Variants in MUC6 observed in about 807,000 individuals in gnomAD.
MUC6 encodes mucin-6.
A neutral mutation model predicts 201.5 loss-of-function variants in MUC6; 188 were observed. The observed-to-expected ratio is 0.93, with a 90% CI of 0.83 to 1.05. MUC6 has a LOEUF of 1.05. Ranked by LOEUF, MUC6 falls within the 50% of genes least tolerant of loss-of-function variation. The probability of loss-of-function intolerance (pLI) is 0.00; values close to 1 mark genes in which losing one functional copy is unlikely to be tolerated. For missense variants in MUC6, 2,706 were observed against 3,256.9 expected (o/e 0.83, Z 4.12); for synonymous variants, 1,228 against 1,389.4 (o/e 0.88, Z 2.58).
In MUC6 at chr11:1,020,277, A is replaced by G. The variant is rs746160174; in HGVS notation, c.3641-20T>C. ...GTGAGCCTGGGTGGGCGGACATGCC[A>G]TCAGGGCTGCAGGGTACCGGCATAT... On this transcript the variant is annotated intron_variant, in intron 28 of 32. Coordinates refer to ENST00000421673, the MANE Select transcript of MUC6 (RefSeq NM_005961.3). 2 of 1,593,094 alleles carry G rather than the reference A, an allele frequency of 1.3e-6. No homozygotes were observed. Among genetic ancestry groups the G allele is most frequent in the South Asian group, 2.2e-5 (2 of 89,150 alleles).
Position 1,018,683 on chromosome 11 carries a change from G to A in MUC6, c.4118C>T (p.Thr1373Ile). The stretch of plus-strand genomic sequence containing the variant: ...CGTGGGTTGTCCTGGCTGTGGGGTG[G>A]TTGGGCCTGTGGTGCTTGCTGGGGT... ...RPTPASTTGPTTPQPGQPTRP... is the reference protein window; with the variant it reads ...RPTPASTTGPITPQPGQPTRP... The change falls in exon 31 of 33, where the codon ACC (threonine) becomes ATC (isoleucine). Residue 1373 changes from threonine (T) to isoleucine (I), a missense_variant. Thr to Ile is a moderately conservative substitution (Grantham distance 89). Transcript: ENST00000421673. 1 of 1,612,932 alleles carries A rather than the reference G, an allele frequency of 6.2e-7. No homozygotes were observed.
intron 26 of MUC6, among the ~76,000 whole-genome samples, chr11:1,022,839 G>C (rs112599085): frequency 7.4e-4 from 112 of 152,348 alleles, no homozygotes; most frequent in Non-Finnish European, 1.2e-3. Context: ...AAACATGAAT[G>C]AATGAATGAA....
At chr11:1,014,099 G>A (rs1244321261) in intron 31 of MUC6, 98 bp from the exon 32 acceptor site, 5 of 999,308 alleles carry the variant, frequency 5.0e-6, no homozygotes, top group Non-Finnish European at 7.4e-6. Flanking sequence ...CCTGTCTCTG[G>A]ACTCTCCTGC....
rs759544918 is a variant in MUC6 at position 1,028,873 on chromosome 11, C to T, written c.1453+16G>A. 2.5e-6 allele frequency: 4 copies of T among 1,611,592 alleles called. No individual in the cohort carries two copies. The highest frequency in any genetic ancestry group is 3.4e-6 in the Non-Finnish European group (4 of 1,179,864). The stretch of plus-strand genomic sequence containing the variant: ...AGGCACAACTCTGGGGGGCCACAGA[C>T]TGGGCCAGGACGTACGAGTCTTGTA... On this transcript the variant is annotated intron_variant, in intron 12 of 32. Transcript: ENST00000421673.
At chr11:1,021,111 C>T in intron 27 of MUC6, 104 bp downstream of exon 27, 3 of 1,165,490 alleles carry the variant, frequency 2.6e-6, no homozygotes, top group Non-Finnish European at 3.5e-6. Context: ...CACGTAAGGG[C>T]TCACAGCCCC....
intron 8 of MUC6, 67 bp from the exon 9 acceptor site, chr11:1,029,682 C>A: frequency 6.7e-7 from 1 of 1,496,782 alleles, no homozygotes; most frequent in Non-Finnish European, 8.9e-7. Flanking sequence ...CTCCCTGGCT[C>A]CAGGGAGACG....
chr11:1,028,187 TG>T (rs747221064), intron 14 of MUC6, 38 bp downstream of exon 14: 12 of 1,543,202 alleles, frequency 7.8e-6, no homozygotes, highest in African/African-American at 2.7e-5. Flanking sequence ...CTGTGGGCGC[TG>T]GGGGGGCAGC....
rs748267272 is a variant in MUC6, at chr11:1,016,020, C to T, written c.6781G>A (p.Ala2261Thr). The T allele has an allele frequency of 6.8e-6, 11 of 1,606,840 alleles. No homozygotes were observed. Among genetic ancestry groups the T allele is most frequent in the Admixed American group, 1.7e-5 (1 of 59,710 alleles). ...GTGGACTGAGAGGAGAAGGCAGGGG[C>T]GGTGTGGGTGCTGGCCGTGGTCCTG... ...TPRTTASTHT[A>T]PAFSSQSTTS... The change falls in exon 31 of 33, where the codon GCC (alanine) becomes ACC (threonine). Residue 2261 changes from alanine (A) to threonine (T), a missense_variant. By Grantham distance (58) the Ala-to-Thr change is moderately conservative. Transcript: ENST00000421673.
rs536454158 is a variant in MUC6, at chr11:1,025,029, C to T, written c.3040G>A (p.Glu1014Lys). 2.8e-5 allele frequency: 45 copies of T among 1,612,986 alleles called. No individual in the cohort carries two copies. The highest frequency in any genetic ancestry group is 1.2e-4 in the South Asian group (11 of 91,070). Residue 1014 changes from glutamate (E) to lysine (K), a missense_variant, in exon 24 of 33, where the codon GAG (glutamate) becomes AAG (lysine). By Grantham distance (56) the Glu-to-Lys change is moderately conservative (BLOSUM62 1). Around this residue, in one of 10 missense-constraint regions of MUC6, gnomAD observed 1,850 missense variants for 1,958.3 expected, o/e 0.94. Coordinates refer to ENST00000421673, the MANE Select transcript of MUC6 (RefSeq NM_005961.3). ...GATGCCACGTACCTGCTGCGCGTCTCGAAGTCGTCCTTCATGTTCCCGTTG... is the reference window on the plus strand; with the variant it reads ...GATGCCACGTACCTGCTGCGCGTCTTGAAGTCGTCCTTCATGTTCCCGTTG... ...NFNGNMKDDF[E>K]TRSRYVASSE...
chr11:1,013,992 C>T lies in MUC6; in HGVS notation c.7049G>A (p.Ser2350Asn), dbSNP rs148815783. Residue 2350 changes from serine (S) to asparagine (N), a missense_variant, in exon 32 of 33, where the codon AGT becomes AAT. Transcript: ENST00000421673. ...TPTPTSPGVC[S>N]VREQQEEITF... ...GATCTCCTCCTGCTGCTCCCGCACACTGCAGACCCCTGGTAGCCGAGTGGA... is the reference window on the plus strand; with the variant it reads ...GATCTCCTCCTGCTGCTCCCGCACATTGCAGACCCCTGGTAGCCGAGTGGA... 6.1e-3 allele frequency: 9,732 copies of T among 1,607,144 alleles called. 37 individuals carry two copies. The highest frequency in any genetic ancestry group is 6.9e-3 in the Non-Finnish European group (8,172 of 1,177,398).
rs752799374 is a variant in MUC6, at chr11:1,030,619, G to A, written c.846C>T (p.Ser282=). The A allele has an allele frequency of 1.6e-5, 25 of 1,540,914 alleles. No individual in the cohort carries two copies. In the African/African-American group the frequency reaches 3.0e-4, roughly 19 times the overall value. ...AGCGGCGGACCGGCTGGCCCACCATGCTGCACTGGCGGGAGTACTCCGACA... is the reference window on the plus strand; with the variant it reads ...AGCGGCGGACCGGCTGGCCCACCATACTGCACTGGCGGGAGTACTCCGACA... ...ATLSEYSRQC[S]MVGQPVRRWR... is the part of the protein sequence containing the mutation. Residue 282 remains serine (S), a synonymous_variant, in exon 7 of 33, where the codon AGC becomes AGT. Transcript: ENST00000421673.
Position 1,028,870 on chromosome 11 carries a change from A to G in MUC6, c.1453+19T>C, listed in dbSNP as rs1223129377. 2.5e-6 allele frequency: 4 copies of G among 1,611,210 alleles called. No homozygotes were observed. The highest frequency in any genetic ancestry group is 1.7e-6 in the Non-Finnish European group (2 of 1,179,850). On this transcript the variant is annotated intron_variant, in intron 12 of 32. Coordinates refer to ENST00000421673, the MANE Select transcript of MUC6 (RefSeq NM_005961.3). ...CGAAGGCACAACTCTGGGGGGCCAC[A>G]GACTGGGCCAGGACGTACGAGTCTT...
Position 1,028,772 on chromosome 11 carries a change from C to T in MUC6, c.1465G>A (p.Val489Ile). Reference sequence around the variant, plus strand: ...AGGTGGGTGGACGTCTGCCTGAAGACCGTGATGTTGCCTGCAGGACGCAGT... The same window carrying T: ...AGGTGGGTGGACGTCTGCCTGAAGATCGTGATGTTGCCTGCAGGACGCAGT... ...WLPYKTRNIT[V>I]FRQTSTHLQM... Residue 489 changes from valine to isoleucine, a missense_variant, in exon 13 of 33, where the codon GTC becomes ATC. By Grantham distance (29) the Val-to-Ile change is conservative. Around this residue, in one of 10 missense-constraint regions of MUC6, gnomAD observed 1,850 missense variants for 1,958.3 expected, o/e 0.94. Coordinates refer to ENST00000421673, the MANE Select transcript of MUC6 (RefSeq NM_005961.3). 6.2e-7 allele frequency: 1 copy of T among 1,611,184 alleles called. No homozygotes were observed. Among genetic ancestry groups the T allele is most frequent in the South Asian group, 1.1e-5 (1 of 91,058 alleles).
In MUC6 at chr11:1,016,092, G is replaced by GGGT; in HGVS notation, c.6706_6708dup (p.Thr2236dup). 1 of 1,613,120 alleles carries GGGT rather than the reference G, an allele frequency of 6.2e-7. No individual in the cohort carries two copies. Among genetic ancestry groups the GGGT allele is most frequent in the Non-Finnish European group, 8.5e-7 (1 of 1,179,354 alleles). ...GTGCTGGAGGCTAGGTGGCTGGATG[G>GGGT]GGTGGGAGACACGGTAACAGTGGAT... On this transcript the variant is annotated inframe_insertion, in exon 31 of 33. Coordinates refer to ENST00000421673, the MANE Select transcript of MUC6 (RefSeq NM_005961.3).
chr11:1,022,080 GCGCCTCT>G (rs1564838258), intron 26 of MUC6, among the ~76,000 whole-genome samples: 74 of 111,050 alleles, frequency 6.7e-4, no homozygotes, highest in East Asian at 2.8e-3. Context: ...CTGCAGCCCC[GCGCCTCT>G]CACTCGCTCC....
At chr11:1,030,079 AG>A (rs1857064520) in intron 8 of MUC6, 133 bp downstream of exon 8, 15 of 1,137,450 alleles carry the variant, frequency 1.3e-5, no homozygotes, top group Non-Finnish European at 1.8e-5. Context: ...CCAGGGCAAG[AG>A]GCGCCAGAGC....
At position 1,015,815 on chromosome 11, in the gene MUC6, G is replaced by T. The variant is rs1280165243; in HGVS notation, c.6986C>A (p.Thr2329Asn). The T allele has an allele frequency of 6.4e-7, 1 of 1,568,464 alleles. No individual in the cohort carries two copies. The change falls in exon 31 of 33, where the codon ACC (threonine) becomes AAC (asparagine). Residue 2329 changes from threonine to asparagine, a missense_variant. By Grantham distance (65) the Thr-to-Asn change is moderately conservative. This residue lies in a region of MUC6 where 586 missense variants were observed against 488.0 expected (regional missense o/e 1.20). Coordinates refer to ENST00000421673, the MANE Select transcript of MUC6 (RefSeq NM_005961.3). The part of the protein sequence containing the change: ...LTSSLTAHGS[T>N]PASAPVSSLG... Reference sequence around the variant, plus strand: ...AGAAGATACCGGGGCAGAAGCAGGGGTGCTTCCATGGGCAGTGAGGGAGCT... The same window carrying T: ...AGAAGATACCGGGGCAGAAGCAGGGTTGCTTCCATGGGCAGTGAGGGAGCT...
chr11:1,024,639 G>T (rs1238533009), intron 24 of MUC6, among the ~76,000 whole-genome samples: 1 of 152,170 alleles, frequency 6.6e-6, no homozygotes, highest in African/African-American at 2.4e-5. Flanking sequence ...GGAGGCCGGG[G>T]GGCTGCTTAA....
Position 1,027,695 on chromosome 11 carries a change from C to G in MUC6, c.1971G>C (p.Val657=). The G allele has an allele frequency of 6.2e-7, 1 of 1,601,054 alleles. No homozygotes were observed. The highest frequency in any genetic ancestry group is 8.5e-7 in the Non-Finnish European group (1 of 1,174,674). ...GVLLWGWRSS[V]DNCTIPCTGN... ...CCGTCGGGCACTCACTGCAGTTGTC[C>G]ACACTGCTTCTCCAGCCCCAGAGCA... The change falls in exon 16 of 33, where the codon GTG becomes GTC. Residue 657 remains valine, a synonymous_variant. Transcript: ENST00000421673.
Sources: allele counts gnomAD v4.1 joint callset (sites outside exome capture counted in the v4.1 genomes callset), GRCh38; gene constraint gnomAD v4.1.1; regional missense constraint gnomAD v4.1.1; transcripts MANE v1.5; gene names NCBI Gene and HGNC (gene_info 2026-07-23, HGNC 2026-07-21).